CCDC141: variants seen among roughly 807,000 people sequenced by gnomAD.
The protein encoded by CCDC141 is coiled-coil domain-containing protein 141.
CCDC141 carries 168 observed loss-of-function variants against 181.0 expected under a neutral mutation model. The observed-to-expected ratio is 0.93, with a 90% CI of 0.82 to 1.05. The LOEUF is 1.05. Among genes scored for constraint, CCDC141 ranks in the 50% least tolerant of loss-of-function variants. The pLI, the probability that CCDC141 is intolerant of heterozygous loss-of-function variation, is 0.00. For synonymous variants in CCDC141, 666 were observed against 642.3 expected (o/e 1.04, Z -0.56); for missense variants, 1,902 against 1,788.5 (o/e 1.06, Z -1.14).
chr2:178,892,046 G>T (rs76997439), intron 8 of CCDC141, among the ~76,000 whole-genome samples: 2,372 of 152,208 alleles, frequency 0.016, 63 homozygotes, highest in African/African-American at 0.054. Flanking sequence ...GAACATATGC[G>T]CAGTTACCAT....
chr2:178,982,886 G>A (rs1190009634), intron 2 of CCDC141, among the ~76,000 whole-genome samples: 1 of 152,216 alleles, frequency 6.6e-6, no homozygotes, highest in Non-Finnish European at 1.5e-5. Flanking sequence ...CCAGGCTGGG[G>A]GAGGGGCTCC....
intron 2 of CCDC141, among the ~76,000 whole-genome samples, chr2:179,003,919 T>C (rs2154383694): frequency 6.6e-6 from 1 of 152,346 alleles, no homozygotes; most frequent in Non-Finnish European, 1.5e-5. Flanking sequence ...AACTTCATAC[T>C]CATTCTCTAT....
At chr2:178,996,327 C>A (rs969226975) in intron 2 of CCDC141, among the ~76,000 whole-genome samples, 7 of 152,118 alleles carry the variant, frequency 4.6e-5, no homozygotes, top group African/African-American at 1.7e-4. Flanking sequence ...ATCCGTCTGC[C>A]TTGGCCTCCC....
intron 7 of CCDC141, among the ~76,000 whole-genome samples, chr2:178,906,024 T>C (rs1687951778): frequency 6.6e-6 from 1 of 152,172 alleles, no homozygotes; most frequent in Admixed American, 6.5e-5. Flanking sequence ...ATATAAGACC[T>C]TCAGCCTACT....
chr2:179,006,633 T>G (rs958458076), intron 2 of CCDC141, among the ~76,000 whole-genome samples: 1 of 152,182 alleles, frequency 6.6e-6, no homozygotes, highest in African/African-American at 2.4e-5. Flanking sequence ...TTAACTTTTT[T>G]GTCTAACACA....
At chr2:178,938,814 T>C (rs1689393681) in intron 6 of CCDC141, among the ~76,000 whole-genome samples, 1 of 152,140 alleles carries the variant, frequency 6.6e-6, no homozygotes, top group South Asian at 2.1e-4. Flanking sequence ...TGTCATTCAT[T>C]ATGTAGTGAA....
rs2043629622 is a variant in CCDC141 at position 179,050,071 on chromosome 2, C to G, written c.-130G>C. ...GCTCAGCTCACACTGATTACTCTGC[C>G]AAAAGGAAAGAACAGGAGGTTAAAA... On this transcript the variant is annotated 5_prime_UTR_variant, in exon 1 of 24. Coordinates refer to ENST00000443758, the MANE Select transcript of CCDC141 (RefSeq NM_173648.4). The G allele has an allele frequency of 7.2e-7, 1 of 1,396,432 alleles. No homozygotes were observed. Among genetic ancestry groups the G allele is most frequent in the Non-Finnish European group, 9.5e-7 (1 of 1,048,584 alleles). The allele number at this position is 1,396,432 out of a possible 1,614,324, so 86.5% of individuals were successfully genotyped here. A position where few individuals can be genotyped will look rare whatever the true frequency, so the allele number is the denominator to read the frequency against.
Position 179,049,976 on chromosome 2 carries a change from C to G in CCDC141, c.-35G>C. 6.5e-7 allele frequency: 1 copy of G among 1,549,938 alleles called. No homozygotes were observed. The highest frequency in any genetic ancestry group is 1.4e-5 in the African/African-American group (1 of 73,138). ...GAACCAGAGTTTATACTTTGGGCAG[C>G]CTCTGGACAGTTGTGTGTCTGCTGG... is the stretch of plus-strand genomic sequence containing the variant. On this transcript the variant is annotated 5_prime_UTR_variant, in exon 1 of 24. Coordinates refer to ENST00000443758, the MANE Select transcript of CCDC141 (RefSeq NM_173648.4).
rs1275830555 is a variant in CCDC141 at position 178,905,464 on chromosome 2, T to A, written c.1130A>T (p.Lys377Met). The A allele has an allele frequency of 1.9e-5, 29 of 1,550,710 alleles. No individual in the cohort carries two copies. The highest frequency in any genetic ancestry group is 2.5e-5 in the Non-Finnish European group (29 of 1,147,012). ...ACTTAAACCCTCTGATTTAAGGAGC[T>A]TAAGGTAAGCTTCAACTCTTCCAAG... is the stretch of plus-strand genomic sequence containing the variant. Reference protein sequence around the residue: ...DVLGRVEAYLKLLKSEGLSLA... With the variant: ...DVLGRVEAYLMLLKSEGLSLA... The change falls in exon 8 of 24, where the codon AAG (lysine) becomes ATG (methionine). Residue 377 changes from lysine (K) to methionine (M), a missense_variant. Coordinates refer to ENST00000443758, the MANE Select transcript of CCDC141 (RefSeq NM_173648.4).
intron 8 of CCDC141, among the ~76,000 whole-genome samples, chr2:178,894,266 A>G (rs1687303764): frequency 6.6e-6 from 1 of 152,182 alleles, no homozygotes; most frequent in Non-Finnish European, 1.5e-5. Flanking sequence ...CTATGAGTCC[A>G]GGTGGTCACT....
chr2:179,031,063 A>G (rs1034204437), intron 2 of CCDC141, among the ~76,000 whole-genome samples: 7 of 152,164 alleles, frequency 4.6e-5, no homozygotes, highest in Non-Finnish European at 1.0e-4. Context: ...CTGATGTGCT[A>G]TGAGTATAAA....
In CCDC141 at chr2:179,048,607, A is replaced by G. The variant is rs543113112; in HGVS notation, c.103-1201T>C. Reference sequence around the variant, plus strand: ...TTTGCCTCTTTTCCCTCATTGCTGAAATCTGCAGTTAACTCAAAGTATCAT... The same window carrying G: ...TTTGCCTCTTTTCCCTCATTGCTGAGATCTGCAGTTAACTCAAAGTATCAT... On this transcript the variant is annotated intron_variant, in intron 1 of 23. Coordinates refer to ENST00000443758, the MANE Select transcript of CCDC141 (RefSeq NM_173648.4). Among the ~76,000 whole-genome samples the G allele has an allele frequency of 9.1e-4, 139 of 152,330 alleles. 1 individual carries two copies. Among genetic ancestry groups the G allele is most frequent in the African/African-American group, 3.0e-3 (126 of 41,572 alleles).
intron 8 of CCDC141, among the ~76,000 whole-genome samples, chr2:178,892,613 T>C (rs1687210377): frequency 6.6e-6 from 1 of 152,188 alleles, no homozygotes; most frequent in Non-Finnish European, 1.5e-5. Flanking sequence ...CTTTTGAAAG[T>C]TCTGAAACAT....
chr2:178,846,550 G>A (rs62175452), intron 21 of CCDC141, among the ~76,000 whole-genome samples: 23,497 of 152,150 alleles, frequency 0.15, 2,305 homozygotes, highest in Non-Finnish European at 0.22. Context: ...ACCCACTACT[G>A]GGGAGATTCT....
intron 4 of CCDC141, among the ~76,000 whole-genome samples, chr2:178,969,961 A>T (rs1690809403): frequency 6.6e-6 from 1 of 152,218 alleles, no homozygotes; most frequent in Non-Finnish European, 1.5e-5. Flanking sequence ...AAAAATCACA[A>T]GCATTCCTAT....
chr2:178,966,174 G>T (rs985340834), intron 4 of CCDC141, among the ~76,000 whole-genome samples: 5 of 152,226 alleles, frequency 3.3e-5, no homozygotes, highest in African/African-American at 1.2e-4. Context: ...GGGGAAAGGG[G>T]CGCCTATGGG....
intron 6 of CCDC141, among the ~76,000 whole-genome samples, chr2:178,927,563 C>T (rs191951166): frequency 2.0e-5 from 3 of 151,888 alleles, no homozygotes; most frequent in South Asian, 4.2e-4. Flanking sequence ...ATGTGGAGGA[C>T]GATTCTGGAT....
chr2:178,921,796 TTTCG>T lies in CCDC141; in HGVS notation c.898-2893_898-2890del, dbSNP rs79800718. On this transcript the variant is annotated intron_variant, in intron 6 of 23. Coordinates refer to ENST00000443758, the MANE Select transcript of CCDC141 (RefSeq NM_173648.4). ...TCACCAGCTCCCACAAGTCTTTCTG[TTTCG>T]TTCTTTGTTTTGTCCCTGTTCTCCA... is the stretch of plus-strand genomic sequence containing the variant. 1.8e-4 allele frequency among the ~76,000 whole-genome samples: 28 copies of T among 152,296 alleles called. No individual in the cohort carries two copies. In the East Asian group the frequency reaches 4.4e-3, roughly 24 times the overall value.
Position 178,837,060 on chromosome 2 carries a change from C to T in CCDC141, c.4159G>A (p.Val1387Ile), listed in dbSNP as rs759550127. ...GTGCTTTTAATCTCTTCTCGAGGAA[C>T]CATTTGCCTCTGATAGCCCCTGCTG... The part of the protein sequence containing the change: ...GTSRGYQRQM[V>I]PREEIKSTSA... The change falls in exon 23 of 24, where the codon GTT becomes ATT. Residue 1387 changes from valine to isoleucine, a missense_variant. Coordinates refer to ENST00000443758, the MANE Select transcript of CCDC141 (RefSeq NM_173648.4). 1.4e-5 allele frequency: 22 copies of T among 1,613,888 alleles called. No homozygotes were observed. In the East Asian group the frequency reaches 4.2e-4, roughly 31 times the overall value.
Sources: allele counts gnomAD v4.1 joint callset (sites outside exome capture counted in the v4.1 genomes callset), GRCh38; gene constraint gnomAD v4.1.1; transcripts MANE v1.5; gene names NCBI Gene and HGNC (gene_info 2026-07-23, HGNC 2026-07-21).